The following NXPH1 variants were observed in gnomAD, a reference collection of about 807,000 sequenced individuals.
The protein encoded by NXPH1 is neurexophilin 1.
NXPH1 carries 5 observed loss-of-function variants against 23.7 expected under a neutral mutation model. That is an observed-to-expected ratio of 0.21 (90% CI 0.11 to 0.44). The LOEUF (loss-of-function observed/expected upper bound fraction) is 0.44. NXPH1 is among the 20% of genes least tolerant of loss of function. NXPH1 has a pLI of 0.99. For synonymous variants in NXPH1, 144 were observed against 122.2 expected (o/e 1.18, Z -1.18); for missense variants, 324 against 321.6 (o/e 1.01, Z -0.06).
intron 2 of NXPH1, among the ~76,000 whole-genome samples, chr7:8,658,772 C>A (rs1052115748): frequency 2.0e-5 from 3 of 151,996 alleles, no homozygotes; most frequent in Admixed American, 6.6e-5. Flanking sequence ...AAAGGTCAAC[C>A]AATTTAGGTT....
At chr7:8,596,831 A>G (rs1329466305) in intron 2 of NXPH1, among the ~76,000 whole-genome samples, 1 of 152,160 alleles carries the variant, frequency 6.6e-6, no homozygotes, top group East Asian at 1.9e-4. Flanking sequence ...CTTTGGGAGT[A>G]GTGCTTGAAG....
chr7:8,465,490 T>A (rs899136732), intron 2 of NXPH1, among the ~76,000 whole-genome samples: 3 of 152,148 alleles, frequency 2.0e-5, no homozygotes, highest in African/African-American at 7.2e-5. Context: ...GTGGGATGCC[T>A]GCAGTGTCCC....
intron 2 of NXPH1, among the ~76,000 whole-genome samples, chr7:8,740,093 A>G (rs1054997728): frequency 6.6e-6 from 1 of 152,254 alleles, no homozygotes; most frequent in Non-Finnish European, 1.5e-5. Flanking sequence ...GTTTCCAGTC[A>G]GGAGACAAGT....
At chr7:8,741,438 G>C (rs1052122051) in intron 2 of NXPH1, among the ~76,000 whole-genome samples, 3 of 152,180 alleles carry the variant, frequency 2.0e-5, no homozygotes, top group Non-Finnish European at 2.9e-5. Flanking sequence ...TGGATCAAAT[G>C]GTAGTTCTAT....
chr7:8,501,677 T>C (rs1817437642), intron 2 of NXPH1, among the ~76,000 whole-genome samples: 1 of 152,038 alleles, frequency 6.6e-6, no homozygotes, highest in African/African-American at 2.4e-5. Flanking sequence ...TTTAGGGTCA[T>C]AGAGGTTTAG....
At chr7:8,728,201 TTTGCTGAAG>T (rs1562466966) in intron 2 of NXPH1, among the ~76,000 whole-genome samples, 1 of 152,230 alleles carries the variant, frequency 6.6e-6, no homozygotes, top group Admixed American at 6.5e-5. Flanking sequence ...ATCCTGAGAC[TTTGCTGAAG>T]TTGCTTATCA....
At chr7:8,687,293 A>G (rs1179044711) in intron 2 of NXPH1, among the ~76,000 whole-genome samples, 1 of 152,064 alleles carries the variant, frequency 6.6e-6, no homozygotes, top group Non-Finnish European at 1.5e-5. Flanking sequence ...AGTGAGAAAA[A>G]GGAGCAGGGG....
Position 8,695,522 on chromosome 7 carries a change from T to C in NXPH1, c.55-55486T>C, listed in dbSNP as rs572710207. On this transcript the variant is annotated intron_variant, in intron 2 of 2. Transcript: ENST00000405863. Reference sequence around the variant, plus strand: ...ACCTCTTTATCCCTTACTTATCAGATTGCCATCATTAGCCTTAACTACATT... The same window carrying C: ...ACCTCTTTATCCCTTACTTATCAGACTGCCATCATTAGCCTTAACTACATT... Among the ~76,000 whole-genome samples, 72 of 152,340 alleles carry C rather than the reference T, an allele frequency of 4.7e-4. 1 individual carries two copies. Among genetic ancestry groups the C allele is most frequent in the South Asian group, 3.3e-3 (16 of 4,834 alleles).
chr7:8,436,192 A>C (rs1211458597), intron 2 of NXPH1, among the ~76,000 whole-genome samples: 1 of 152,142 alleles, frequency 6.6e-6, no homozygotes, highest in African/African-American at 2.4e-5. Flanking sequence ...TTTAAAAGTG[A>C]ATCTACCCAC....
intron 2 of NXPH1, among the ~76,000 whole-genome samples, chr7:8,719,496 C>A (rs1779931187): frequency 6.6e-6 from 1 of 152,056 alleles, no homozygotes; most frequent in South Asian, 2.1e-4. Context: ...AGAAAACAAC[C>A]AAAAATTTAT....
chr7:8,469,468 C>T (rs114342658), intron 2 of NXPH1, among the ~76,000 whole-genome samples: 4,105 of 152,090 alleles, frequency 0.027, 197 homozygotes, highest in African/African-American at 0.094. Context: ...TGACAGAGAG[C>T]GTCAAATGTA....
intron 2 of NXPH1, among the ~76,000 whole-genome samples, chr7:8,730,103 T>A (rs1303807603): frequency 6.6e-6 from 1 of 151,854 alleles, no homozygotes; most frequent in Admixed American, 6.6e-5. Flanking sequence ...AATGGCCTTC[T>A]TTGTCTCTTT....
chr7:8,527,291 G>A (rs1207500953), intron 2 of NXPH1, among the ~76,000 whole-genome samples: 1 of 152,162 alleles, frequency 6.6e-6, no homozygotes, highest in Admixed American at 6.5e-5. Flanking sequence ...TGCTTTCTTG[G>A]ATGCACTCCA....
chr7:8,685,387 T>A (rs1207531898), intron 2 of NXPH1, among the ~76,000 whole-genome samples: 1 of 152,028 alleles, frequency 6.6e-6, no homozygotes, highest in Non-Finnish European at 1.5e-5. Flanking sequence ...TTATTTCACT[T>A]AACATAATGA....
At chr7:8,674,194 CA>C (rs1562450751) in intron 2 of NXPH1, among the ~76,000 whole-genome samples, 73 of 147,112 alleles carry the variant, frequency 5.0e-4, no homozygotes, top group Admixed American at 2.9e-3. Flanking sequence ...CACACACACA[CA>C]CACACACACC....
At chr7:8,701,710 T>C (rs1779625721) in intron 2 of NXPH1, among the ~76,000 whole-genome samples, 1 of 152,134 alleles carries the variant, frequency 6.6e-6, no homozygotes, top group Non-Finnish European at 1.5e-5. Context: ...CCCCATTTTG[T>C]ATCCTCAGAA....
chr7:8,521,757 T>C (rs1230110569), intron 2 of NXPH1, among the ~76,000 whole-genome samples: 1 of 152,174 alleles, frequency 6.6e-6, no homozygotes, highest in Non-Finnish European at 1.5e-5. Flanking sequence ...TGTAAGACAA[T>C]GGCAGTGTAA....
intron 2 of NXPH1, among the ~76,000 whole-genome samples, chr7:8,539,743 A>T (rs970189945): frequency 4.0e-5 from 6 of 151,794 alleles, no homozygotes; most frequent in Non-Finnish European, 7.4e-5. Context: ...CACAAACAAA[A>T]ATTAAGGTTA....
intron 2 of NXPH1, among the ~76,000 whole-genome samples, chr7:8,631,465 C>G (rs946602164): frequency 6.6e-6 from 1 of 152,156 alleles, no homozygotes; most frequent in African/African-American, 2.4e-5. Flanking sequence ...GCAAAATAAA[C>G]TATCAGCAGA....
Sources: gnomAD v4.1 joint callset for allele counts (sites outside exome capture counted in the v4.1 genomes callset) on GRCh38, gnomAD v4.1.1 for gene constraint, MANE v1.5 for transcripts, NCBI Gene and HGNC (gene_info 2026-07-23, HGNC 2026-07-21) for gene names.